EBF4: variants seen among roughly 807,000 people sequenced by gnomAD.
The protein encoded by EBF4 is EBF transcription factor 4, also known as transcription factor COE4.
A neutral mutation model predicts 67.1 loss-of-function variants in EBF4; 34 were observed. The observed-to-expected ratio is 0.51, with a 90% CI of 0.39 to 0.67. The LOEUF (loss-of-function observed/expected upper bound fraction) is 0.67, where lower values mean the gene tolerates loss of function less well. EBF4 is among the 30% of genes least tolerant of loss of function. The pLI is 0.00. For synonymous variants in EBF4, 387 were observed against 377.7 expected (o/e 1.02, Z -0.29); for missense variants, 837 against 873.3 (o/e 0.96, Z 0.52).
In EBF4 at chr20:2,752,844, C is replaced by T. The variant is rs187805451; in HGVS notation, c.1540+299C>T. Among the ~76,000 whole-genome samples the T allele has an allele frequency of 2.8e-3, 424 of 152,356 alleles. 1 individual carries two copies. The highest frequency in any genetic ancestry group is 3.8e-3 in the Non-Finnish European group (258 of 68,032). The stretch of plus-strand genomic sequence containing the variant: ...AGGCCTCCGGTCCCCCTGAAGTGGG[C>T]TCTAATGGGTGGCGGGCGTCCATCT... On this transcript the variant is annotated intron_variant, in intron 14 of 16. Coordinates refer to ENST00000609451, the Ensembl canonical transcript of EBF4.
At chr20:2,727,463 C>T (rs1451742455) in intron 6 of EBF4, among the ~76,000 whole-genome samples, 1 of 152,174 alleles carries the variant, frequency 6.6e-6, no homozygotes, top group Non-Finnish European at 1.5e-5. Context: ...AAAGTCATCC[C>T]TCTGATAAGC....
rs1382779866 is a variant in EBF4, at chr20:2,755,708, T to C, written c.1622T>C (p.Phe541Ser). ...GCCCCCACCACCAGCGTGTTCTCCT[T>C]CTCGCCTGTCAACATGATCTCCGCC... The change falls in exon 15 of 17, where the codon TTC becomes TCC. Residue 541 changes from phenylalanine to serine, a missense_variant. By Grantham distance (155) the Phe-to-Ser change is radical (BLOSUM62 -2). Transcript: ENST00000609451. The surrounding 1 kb of genome is among the most constrained non-coding windows in gnomAD (Gnocchi z 4.7). The C allele has an allele frequency of 1.2e-5, 18 of 1,550,688 alleles. No individual in the cohort carries two copies. Among genetic ancestry groups the C allele is most frequent in the Non-Finnish European group, 1.6e-5 (18 of 1,146,806 alleles).
intron 1 of EBF4, among the ~76,000 whole-genome samples, chr20:2,701,160 G>T (rs776084493): frequency 6.6e-6 from 1 of 152,214 alleles, no homozygotes; most frequent in East Asian, 1.9e-4. Flanking sequence ...CCATGGGTGG[G>T]TGTGAGCCTG....
In EBF4 at chr20:2,711,148, AAATAATAATAATAAT is replaced by A. The variant is rs144765250; in HGVS notation, c.557+1524_557+1538del. ...GGGCAACAGAGTGAGACCCTGTCTA[AAATAATAATAATAAT>A]AATAATAATAATAATAAAATTAAAT... On this transcript the variant is annotated intron_variant, in intron 6 of 16. Coordinates refer to ENST00000609451, the Ensembl canonical transcript of EBF4. 7.5e-5 allele frequency among the ~76,000 whole-genome samples: 11 copies of A among 146,834 alleles called. No individual in the cohort carries two copies. In the South Asian group the frequency reaches 2.2e-3, roughly 29 times the overall value.
In EBF4 at chr20:2,706,379, C is replaced by G. The variant is rs1448554228; in HGVS notation, c.414+115C>G. On this transcript the variant is annotated intron_variant, in intron 4 of 16. Transcript: ENST00000609451. ...CCTCATCTCCCTATGCCCTCCGTCC[C>G]CATCAGCCTAGCTCCCCCAGTTCCC... 4.0e-6 allele frequency: 5 copies of G among 1,248,534 alleles called. No homozygotes were observed. The African/African-American group carries it at 4.5e-5, about 11-fold the overall frequency. 77.3% of individuals were successfully genotyped at this position (1,248,534 alleles called of 1,614,324 possible).
chr20:2,740,504 C>G (rs929952039), intron 6 of EBF4, among the ~76,000 whole-genome samples: 1 of 152,114 alleles, frequency 6.6e-6, no homozygotes. Context: ...AAAATGCACT[C>G]GGGCTCTCCT....
rs182400274 is a variant in EBF4 at position 2,723,141 on chromosome 20, C to G, written c.557+13499C>G. The stretch of plus-strand genomic sequence containing the variant: ...GGACAGGCTTTTAAAAACTTTATAA[C>G]TTCCTTCTGAATTGAACCTTTTATC... On this transcript the variant is annotated intron_variant, in intron 6 of 16. Transcript: ENST00000609451. 1.5e-3 allele frequency among the ~76,000 whole-genome samples: 234 copies of G among 152,288 alleles called. 1 individual carries two copies. The highest frequency in any genetic ancestry group is 2.8e-3 in the Non-Finnish European group (188 of 68,030).
At chr20:2,695,731 A>T (rs1204478123) in intron 1 of EBF4, among the ~76,000 whole-genome samples, 1 of 152,124 alleles carries the variant, frequency 6.6e-6, no homozygotes, top group African/African-American at 2.4e-5. Flanking sequence ...GGGTCTTCTC[A>T]TCCCAAAACA....
In EBF4 at chr20:2,755,362, T is replaced by C; in HGVS notation, c.1541-265T>C. 1 of 482,598 alleles carries C rather than the reference T, an allele frequency of 2.1e-6. No individual in the cohort carries two copies. Among genetic ancestry groups the C allele is most frequent in the Non-Finnish European group, 3.7e-6 (1 of 273,458 alleles). 29.9% of individuals were successfully genotyped at this position (482,598 alleles called of 1,614,324 possible). ...ATTTTTGGGGGGTACCTCCCACTGT[T>C]TGTTTTTTTTGAATGTTCTGGTTTT... is the stretch of plus-strand genomic sequence containing the variant. On this transcript the variant is annotated intron_variant, in intron 14 of 16. Transcript: ENST00000609451. This position sits in a 1 kb window ranked among gnomAD's most constrained non-coding sequence, Gnocchi z 4.7.
At chr20:2,738,351 T>C (rs1174571035) in intron 6 of EBF4, among the ~76,000 whole-genome samples, 3 of 152,164 alleles carry the variant, frequency 2.0e-5, no homozygotes, top group Non-Finnish European at 4.4e-5. Flanking sequence ...TCCAGCTCTG[T>C]GGCTTCTGCT....
rs995744011 is a variant in EBF4, at chr20:2,747,152, C to T, written c.558-1397C>T. ...ACTAAAACTACAAAAAGTAGCCAGG[C>T]GTGGTGGCAGGCCCCTGTGATCCCC... is the stretch of plus-strand genomic sequence containing the variant. On this transcript the variant is annotated intron_variant, in intron 6 of 16. Coordinates refer to ENST00000609451, the Ensembl canonical transcript of EBF4. This position sits in a 1 kb window ranked among gnomAD's most constrained non-coding sequence, Gnocchi z 4.6. Among the ~76,000 whole-genome samples the T allele has an allele frequency of 2.6e-5, 4 of 152,004 alleles. No individual in the cohort carries two copies. The highest frequency in any genetic ancestry group is 1.9e-4 in the East Asian group (1 of 5,182).
chr20:2,725,602 C>T (rs1233090556), intron 6 of EBF4, among the ~76,000 whole-genome samples: 1 of 152,108 alleles, frequency 6.6e-6, no homozygotes, highest in Non-Finnish European at 1.5e-5. Flanking sequence ...TGTGTTTGGT[C>T]TTTTTGTTAT....
At chr20:2,727,621 C>G (rs1172649478) in intron 6 of EBF4, among the ~76,000 whole-genome samples, 1 of 152,120 alleles carries the variant, frequency 6.6e-6, no homozygotes, top group Non-Finnish European at 1.5e-5. Context: ...AATGGTAGTT[C>G]TATTTCTAAT....
intron 6 of EBF4, among the ~76,000 whole-genome samples, chr20:2,721,681 C>G (rs879816553): frequency 2.6e-5 from 4 of 152,186 alleles, no homozygotes; most frequent in African/African-American, 9.7e-5. Context: ...TCTCGAAATC[C>G]TGACCTCAGG....
At chr20:2,693,346 G>C (rs2087238276), upstream of EBF4, among the ~76,000 whole-genome samples, 1 of 150,730 alleles carries the variant, frequency 6.6e-6, no homozygotes, top group African/African-American at 2.4e-5. This position sits in a 1 kb window ranked among gnomAD's most constrained non-coding sequence, Gnocchi z 4.6. Flanking sequence ...CGGACCGGGT[G>C]CGGGCTCCGC....
rs767958333 is a variant in EBF4, at chr20:2,751,655, G to A, written c.1019-45G>A. Reference sequence around the variant, plus strand: ...GCCCTGCGTCTCACCCTGGGAGTGGGGGGCTGCGGGGGAGACGTCCTCCAA... The same window carrying A: ...GCCCTGCGTCTCACCCTGGGAGTGGAGGGCTGCGGGGGAGACGTCCTCCAA... On this transcript the variant is annotated intron_variant, in intron 10 of 16. Transcript: ENST00000609451. The surrounding 1 kb of genome is among the most constrained non-coding windows in gnomAD (Gnocchi z 5.2). The A allele has an allele frequency of 2.2e-5, 34 of 1,541,316 alleles. No homozygotes were observed. In the South Asian group the frequency reaches 3.5e-4, roughly 16 times the overall value.
At chr20:2,729,028 T>G (rs551323599) in intron 6 of EBF4, among the ~76,000 whole-genome samples, 1 of 152,302 alleles carries the variant, frequency 6.6e-6, no homozygotes, top group East Asian at 1.9e-4. Context: ...ATCTTATTAC[T>G]TAATAAATTA....
rs375068443 is a variant in EBF4 at position 2,731,217 on chromosome 20, A to C, written c.558-17332A>C. On this transcript the variant is annotated intron_variant, in intron 6 of 16. Coordinates refer to ENST00000609451, the Ensembl canonical transcript of EBF4. ...CAGCCCAGCTTTGCTGTTTGATGAC[A>C]CTGTAAGTTAGCATAATGTGCTGTG... Among the ~76,000 whole-genome samples the C allele has an allele frequency of 7.2e-5, 11 of 152,296 alleles. 1 individual carries two copies. In the East Asian group the frequency reaches 1.2e-3, roughly 16 times the overall value.
chr20:2,712,990 T>C (rs898030400), intron 6 of EBF4, among the ~76,000 whole-genome samples: 2 of 152,150 alleles, frequency 1.3e-5, no homozygotes, highest in South Asian at 2.1e-4. Flanking sequence ...CTGATAGAAT[T>C]GTGTCTAAGA....
Sources: allele counts gnomAD v4.1 joint callset (sites outside exome capture counted in the v4.1 genomes callset), GRCh38; gene constraint gnomAD v4.1.1; non-coding constraint Gnocchi (gnomAD v3.1); transcripts MANE v1.5; gene names NCBI Gene and HGNC (gene_info 2026-07-23, HGNC 2026-07-21).